HMBOX1: variants seen among roughly 807,000 people sequenced by gnomAD.
The protein encoded by HMBOX1 is homeobox-containing protein 1.
HMBOX1 carries 14 observed loss-of-function variants against 54.5 expected under a neutral mutation model. The observed-to-expected ratio is 0.26, with a 90% CI of 0.17 to 0.40. The LOEUF (loss-of-function observed/expected upper bound fraction) is 0.40, where lower values mean the gene tolerates loss of function less well. HMBOX1 is among the 10% of genes least tolerant of loss of function. HMBOX1 has a pLI of 1.00. For synonymous variants in HMBOX1, 160 were observed against 181.0 expected, an observed-to-expected ratio of 0.88 and a Z score of 0.93; for missense variants, 332 against 514.4, an observed-to-expected ratio of 0.65 and a Z score of 3.43.
intron 1 of HMBOX1, among the ~76,000 whole-genome samples, chr8:28,904,341 G>A (rs954115377): frequency 8.6e-5 from 13 of 151,094 alleles, no homozygotes; most frequent in African/African-American, 2.9e-4. Context: ...TCCGCCTCGC[G>A]GGTTCAAGCA....
At chr8:28,984,910 A>G (rs1024758121) in intron 4 of HMBOX1, among the ~76,000 whole-genome samples, 5 of 152,214 alleles carry the variant, frequency 3.3e-5, no homozygotes, top group Non-Finnish European at 7.3e-5. Flanking sequence ...AGAAATAAAT[A>G]CACAGAAGAA....
chr8:29,018,670 A>T (rs1800706066), intron 5 of HMBOX1, 90 bp from the exon 6 acceptor site: 2 of 1,315,964 alleles, frequency 1.5e-6, no homozygotes, highest in Admixed American at 4.6e-5. Context: ...TAAGCCAAAG[A>T]CCATACTTCC....
chr8:29,051,141 C>T lies in HMBOX1; in HGVS notation c.1249C>T (p.Leu417=), dbSNP rs766098578. 1 of 1,613,904 alleles carries T rather than the reference C, an allele frequency of 6.2e-7. No individual in the cohort carries two copies. Among genetic ancestry groups the T allele is most frequent in the East Asian group, 2.2e-5 (1 of 44,880 alleles). ...QGANEIKTEA[L]DDD ...AGCCAACGAAATCAAGACAGAGGCCCTGGATGATGACTGATCAGGGAGGTT... is the reference window on the plus strand; with the variant it reads ...AGCCAACGAAATCAAGACAGAGGCCTTGGATGATGACTGATCAGGGAGGTT... The change falls in exon 10 of 10, where the codon CTG becomes TTG. Residue 417 remains leucine, a synonymous_variant. Coordinates refer to ENST00000287701, the MANE Select transcript of HMBOX1 (RefSeq NM_001135726.3).
chr8:28,974,025 G>A (rs2132402068), intron 3 of HMBOX1, among the ~76,000 whole-genome samples: 1 of 151,824 alleles, frequency 6.6e-6, no homozygotes, highest in East Asian at 1.9e-4. Flanking sequence ...TGTTGACCAG[G>A]CTGGTCTCAA....
At chr8:28,900,269 A>ATATATATAT (rs1422463025) in intron 1 of HMBOX1, among the ~76,000 whole-genome samples, 8,111 of 66,528 alleles carry the variant, frequency 0.12, 333 homozygotes, top group East Asian at 0.18. Context: ...AAAAAAAAAA[A>ATATATATAT]AAATATATAT....
chr8:28,979,609 G>C (rs1477286246), intron 3 of HMBOX1, among the ~76,000 whole-genome samples: 1 of 152,116 alleles, frequency 6.6e-6, no homozygotes, highest in Non-Finnish European at 1.5e-5. Context: ...TCATTTTAAA[G>C]GTTTTTAAAT....
At chr8:28,912,064 A>G (rs893995165) in intron 1 of HMBOX1, among the ~76,000 whole-genome samples, 1 of 152,220 alleles carries the variant, frequency 6.6e-6, no homozygotes, top group Non-Finnish European at 1.5e-5. Flanking sequence ...TTTATAATAA[A>G]GTGTTGAATA....
Position 28,927,696 on chromosome 8 carries a change from A to G in HMBOX1, c.-57-36115A>G, listed in dbSNP as rs79808386. On this transcript the variant is annotated intron_variant, in intron 1 of 9. Coordinates refer to ENST00000287701, the MANE Select transcript of HMBOX1 (RefSeq NM_001135726.3). ...ATCAGATTTCAACATGAGACTTGGT[A>G]GGTACAAACAAACCATATGTACCCA... Among the ~76,000 whole-genome samples the G allele has an allele frequency of 6.3e-3, 961 of 152,216 alleles. 6 individuals carry two copies. Among genetic ancestry groups the G allele is most frequent in the African/African-American group, 0.022 (922 of 41,534 alleles).
chr8:28,914,526 A>C (rs1181861973), intron 1 of HMBOX1, among the ~76,000 whole-genome samples: 5 of 152,198 alleles, frequency 3.3e-5, no homozygotes, highest in Non-Finnish European at 5.9e-5. Context: ...GTAAGTAAAT[A>C]TCTGAACACA....
At chr8:28,893,671 G>A (rs1208734010) in intron 1 of HMBOX1, among the ~76,000 whole-genome samples, 2 of 152,122 alleles carry the variant, frequency 1.3e-5, no homozygotes, top group African/African-American at 4.8e-5. Flanking sequence ...TACAAAATAT[G>A]TGGCAACAAA....
chr8:28,980,427 T>C (rs1371888076), intron 4 of HMBOX1, among the ~76,000 whole-genome samples: 2 of 152,244 alleles, frequency 1.3e-5, no homozygotes, highest in Admixed American at 6.5e-5. Flanking sequence ...AGTTTGCTTT[T>C]GATTGTGACA....
chr8:29,034,231 A>G (rs955256127), intron 6 of HMBOX1, among the ~76,000 whole-genome samples: 1 of 152,216 alleles, frequency 6.6e-6, no homozygotes, highest in Non-Finnish European at 1.5e-5. Context: ...GAGGCATCTA[A>G]AAGTGGTCTT....
At chr8:28,923,653 A>G (rs971311425) in intron 1 of HMBOX1, among the ~76,000 whole-genome samples, 6 of 152,222 alleles carry the variant, frequency 3.9e-5, no homozygotes, top group Non-Finnish European at 5.9e-5. Flanking sequence ...TCATCTTGTA[A>G]TTCTGTTTAA....
chr8:29,002,596 A>G (rs1215988396), intron 4 of HMBOX1, among the ~76,000 whole-genome samples: 2 of 152,164 alleles, frequency 1.3e-5, no homozygotes, highest in Non-Finnish European at 2.9e-5. Context: ...ATCCATCCCA[A>G]TGATACACTG....
intron 2 of HMBOX1, among the ~76,000 whole-genome samples, chr8:28,965,063 G>A (rs1826211283): frequency 6.6e-6 from 1 of 152,204 alleles, no homozygotes; most frequent in African/African-American, 2.4e-5. Context: ...GACGTCTAAT[G>A]GCTATTGAAA....
chr8:29,045,763 A>G (rs1368806992), intron 7 of HMBOX1, among the ~76,000 whole-genome samples: 1 of 152,232 alleles, frequency 6.6e-6, no homozygotes, highest in Non-Finnish European at 1.5e-5. Flanking sequence ...TTATGAAATA[A>G]TGTTAAAGTT....
rs1456233969 is a variant in HMBOX1 at position 28,995,237 on chromosome 8, C to G, written c.587-13835C>G. ...TGCAGATATACCTACAGACAAACTT[C>G]CGGACATTTCATAAGATAGAATCAT... is the stretch of plus-strand genomic sequence containing the variant. On this transcript the variant is annotated intron_variant, in intron 4 of 9. Transcript: ENST00000287701. Among the ~76,000 whole-genome samples, 6 of 152,178 alleles carry G rather than the reference C, an allele frequency of 3.9e-5. No homozygotes were observed. In the South Asian group the frequency reaches 1.2e-3, roughly 31 times the overall value.
chr8:29,047,593 G>A (rs1210278839), intron 8 of HMBOX1, 140 bp downstream of exon 8: 1 of 511,550 alleles, frequency 2.0e-6, no homozygotes, highest in Non-Finnish European at 3.4e-6. Context: ...TTGAGACGGA[G>A]TTTCACTCTT....
intron 1 of HMBOX1, among the ~76,000 whole-genome samples, chr8:28,912,753 G>A (rs1470879994): frequency 6.6e-6 from 1 of 152,032 alleles, no homozygotes. Context: ...TACTCCATAA[G>A]CAAGCTCATC....
Sources: gnomAD v4.1 joint callset for allele counts (sites outside exome capture counted in the v4.1 genomes callset) on GRCh38, gnomAD v4.1.1 for gene constraint, MANE v1.5 for transcripts, NCBI Gene and HGNC (gene_info 2026-07-23, HGNC 2026-07-21) for gene names.